Variants in CNOT7 observed in about 807,000 individuals in gnomAD.
The protein encoded by CNOT7 is BTG1-binding factor 1.
In CNOT7, 4 loss-of-function variants were observed where a neutral mutation model predicts 37.1. That is an observed-to-expected ratio of 0.11 (90% CI 0.05 to 0.25). The LOEUF is 0.25. Among genes scored for constraint, CNOT7 ranks in the 10% least tolerant of loss-of-function variants. CNOT7 has a pLI of 1.00. For missense variants in CNOT7, 170 were observed against 336.2 expected (o/e 0.51, Z 3.87); for synonymous variants, 128 against 115.6 (o/e 1.11, Z -0.69).
Position 17,234,860 on chromosome 8 carries a change from G to A in CNOT7, c.474C>T (p.Ser158=), listed in dbSNP as rs766824900. The A allele has an allele frequency of 8.1e-6, 13 of 1,612,790 alleles. No homozygotes were observed. Among genetic ancestry groups the A allele is most frequent in the Admixed American group, 5.0e-5 (3 of 59,932 alleles). Residue 158 remains serine, a splice_region_variant and synonymous_variant, in exon 5 of 7, where the codon AGC becomes AGT. Transcript: ENST00000361272. ...TGATTAAGTAGCCAAAGTCGTAACC[G>A]CTATAAAAGGGTTAAAAGAATAGAG... The part of the protein sequence containing the change: ...CEGVKWLSFH[S]GYDFGYLIKI...
intron 5 of CNOT7, 118 bp from the exon 6 acceptor site, chr8:17,232,655 C>A: frequency 3.7e-6 from 3 of 801,320 alleles, no homozygotes; most frequent in Non-Finnish European, 6.0e-6. Context: ...AAAGGTGAAT[C>A]TTATAAAGAT....
intron 1 of CNOT7, 43 bp downstream of exon 1, chr8:17,246,632 C>T (rs565800829): frequency 1.3e-5 from 2 of 157,214 alleles, no homozygotes; most frequent in Non-Finnish European, 2.8e-5. Flanking sequence ...ACTTCCCTAA[C>T]CCGCCCCTCC....
At position 17,246,801 on chromosome 8, in the gene CNOT7, G is replaced by A. The variant is rs1420576443; in HGVS notation, c.-222C>T. 1 of 205,542 alleles carries A rather than the reference G, an allele frequency of 4.9e-6. No individual in the cohort carries two copies. Among genetic ancestry groups the A allele is most frequent in the South Asian group, 6.0e-5 (1 of 16,640 alleles). The allele number at this position is 205,542 out of a possible 1,614,324, so 12.7% of individuals were successfully genotyped here. A position where few individuals can be genotyped will look rare whatever the true frequency, so the allele number is the denominator to read the frequency against. The stretch of plus-strand genomic sequence containing the variant: ...GCCCCATAGACACCTCTCGCCCAGC[G>A]AAGGGAAAGGCGAGCAGGAGCTGCG... On this transcript the variant is annotated 5_prime_UTR_variant, in exon 1 of 7. Transcript: ENST00000361272.
intron 3 of CNOT7, among the ~76,000 whole-genome samples, chr8:17,241,063 G>C (rs1282964632): frequency 6.6e-6 from 1 of 152,184 alleles, no homozygotes. Flanking sequence ...CTGTGCGTGT[G>C]TGTATAGATA....
Position 17,230,647 on chromosome 8 carries a change from G to A in CNOT7, c.*73C>T, listed in dbSNP as rs1409308878. The A allele has an allele frequency of 2.2e-6, 3 of 1,336,782 alleles. No individual in the cohort carries two copies. Among genetic ancestry groups the A allele is most frequent in the Middle Eastern group, 2.8e-4 (1 of 3,554 alleles). 82.8% of individuals were successfully genotyped at this position (1,336,782 alleles called of 1,614,324 possible). Reference sequence around the variant, plus strand: ...GAAAGGTACTGTCTATTGTTCGAGGGATTCAACCAGAGATAAAACCTATAT... The same window carrying A: ...GAAAGGTACTGTCTATTGTTCGAGGAATTCAACCAGAGATAAAACCTATAT... On this transcript the variant is annotated 3_prime_UTR_variant, in exon 7 of 7. Coordinates refer to ENST00000361272, the MANE Select transcript of CNOT7 (RefSeq NM_013354.7).
At chr8:17,238,505 G>GT (rs767828814) in intron 3 of CNOT7, among the ~76,000 whole-genome samples, 3 of 142,394 alleles carry the variant, frequency 2.1e-5, no homozygotes, top group African/African-American at 7.7e-5. Flanking sequence ...CAATGAAGTA[G>GT]TTTCTTTTTT....
In CNOT7 at chr8:17,225,292, G is replaced by A. The variant is rs1808083227; in HGVS notation, c.*5428C>T. 1.3e-5 allele frequency: 2 copies of A among 151,682 alleles called. No individual in the cohort carries two copies. The highest frequency in any genetic ancestry group is 4.8e-5 in the African/African-American group (2 of 41,400). 9.4% of individuals were successfully genotyped at this position (151,682 alleles called of 1,614,324 possible). A position where few individuals can be genotyped will look rare whatever the true frequency, so the allele number is the denominator to read the frequency against. ...AGAGCCAAAACAGAAGGGTGTGAAAGCAGTGAATTTCCCCTCCTATGACAA... is the reference window on the plus strand; with the variant it reads ...AGAGCCAAAACAGAAGGGTGTGAAAACAGTGAATTTCCCCTCCTATGACAA... On this transcript the variant is annotated 3_prime_UTR_variant, in exon 7 of 7. Transcript: ENST00000361272.
In CNOT7 at chr8:17,229,175, GAAC is replaced by G. The variant is rs1320379587; in HGVS notation, c.*1542_*1544del. 1 of 151,910 alleles carries G rather than the reference GAAC, an allele frequency of 6.6e-6. No individual in the cohort carries two copies. Among genetic ancestry groups the G allele is most frequent in the Non-Finnish European group, 1.5e-5 (1 of 67,828 alleles). 9.4% of individuals were successfully genotyped at this position (151,910 alleles called of 1,614,324 possible). A position where few individuals can be genotyped will look rare whatever the true frequency, so the allele number is the denominator to read the frequency against. On this transcript the variant is annotated 3_prime_UTR_variant, in exon 7 of 7. Coordinates refer to ENST00000361272, the MANE Select transcript of CNOT7 (RefSeq NM_013354.7). ...TCTGTTGAGTTGCCCAAATAAAAAT[GAAC>G]AATATCCCCCAAATAAGTATTTCCA...
rs890750110 is a variant in CNOT7 at position 17,228,861 on chromosome 8, G to T, written c.*1859C>A. On this transcript the variant is annotated 3_prime_UTR_variant, in exon 7 of 7. Coordinates refer to ENST00000361272, the MANE Select transcript of CNOT7 (RefSeq NM_013354.7). ...GCTAACAAATCACAAGCGAAAAGAAGCTTCACTTCCTTTTTAACGAAGACA... is the reference window on the plus strand; with the variant it reads ...GCTAACAAATCACAAGCGAAAAGAATCTTCACTTCCTTTTTAACGAAGACA... 1.1e-4 allele frequency: 16 copies of T among 151,952 alleles called. No individual in the cohort carries two copies. The highest frequency in any genetic ancestry group is 3.6e-4 in the African/African-American group (15 of 41,414). 9.4% of individuals were successfully genotyped at this position (151,952 alleles called of 1,614,324 possible). A position where few individuals can be genotyped will look rare whatever the true frequency, so the allele number is the denominator to read the frequency against.
chr8:17,241,129 G>A (rs1810106942), intron 3 of CNOT7, among the ~76,000 whole-genome samples: 1 of 152,074 alleles, frequency 6.6e-6, no homozygotes, highest in Non-Finnish European at 1.5e-5. Flanking sequence ...GTGCAGTGGT[G>A]CAATCTAGAT....
At chr8:17,237,644 T>TA (rs1563199434) in intron 3 of CNOT7, 2 of 298,838 alleles carry the variant, frequency 6.7e-6, no homozygotes, top group Non-Finnish European at 1.3e-5. Flanking sequence ...CTTTCATACT[T>TA]AAATACATTT....
chr8:17,235,612 C>CCACTTAGT (rs1476577097), intron 4 of CNOT7, among the ~76,000 whole-genome samples: 1 of 152,208 alleles, frequency 6.6e-6, no homozygotes, highest in African/African-American at 2.4e-5. Flanking sequence ...TGTCTCCCTA[C>CCACTTAGT]ACTCCCAGGC....
intron 3 of CNOT7, chr8:17,241,361 G>A (rs765965512): frequency 6.8e-6 from 1 of 147,330 alleles, no homozygotes; most frequent in Non-Finnish European, 1.5e-5. Context: ...CTCCTGCCTT[G>A]GTCTCCAAAT....
chr8:17,237,587 G>T, intron 3 of CNOT7: 1 of 490,748 alleles, frequency 2.0e-6, no homozygotes, highest in Non-Finnish European at 3.6e-6. Flanking sequence ...ATCATTCAGA[G>T]AGTCCAAAGG....
chr8:17,245,356 TA>T (rs372770233), intron 1 of CNOT7, 109 bp from the exon 2 acceptor site: 15,217 of 355,658 alleles, frequency 0.043, no homozygotes, highest in Middle Eastern at 0.058. Context: ...TCTTGACTCA[TA>T]AAAAAAAAAA....
At chr8:17,235,298 A>G (rs1213074877) in intron 4 of CNOT7, among the ~76,000 whole-genome samples, 2 of 152,250 alleles carry the variant, frequency 1.3e-5, no homozygotes, top group Non-Finnish European at 2.9e-5. Context: ...TCGGTAGACA[A>G]AAGTAATGCA....
Position 17,225,714 on chromosome 8 carries a change from T to C in CNOT7, c.*5006A>G, listed in dbSNP as rs1808108082. The C allele has an allele frequency of 6.6e-6, 1 of 151,722 alleles. No individual in the cohort carries two copies. The highest frequency in any genetic ancestry group is 1.5e-5 in the Non-Finnish European group (1 of 67,712). 9.4% of individuals were successfully genotyped at this position (151,722 alleles called of 1,614,324 possible). ...GTCCTACGTTTCTATAATGTCTTAATAGAAAAATAAATGACAGGTAACGTT... is the reference window on the plus strand; with the variant it reads ...GTCCTACGTTTCTATAATGTCTTAACAGAAAAATAAATGACAGGTAACGTT... On this transcript the variant is annotated 3_prime_UTR_variant, in exon 7 of 7. Transcript: ENST00000361272.
At chr8:17,236,449 A>G (rs1217598669) in intron 4 of CNOT7, among the ~76,000 whole-genome samples, 3 of 152,242 alleles carry the variant, frequency 2.0e-5, no homozygotes, top group Non-Finnish European at 2.9e-5. Context: ...CAAAATCGGA[A>G]TAGTTTCCTT....
chr8:17,236,251 G>A (rs1323803335), intron 4 of CNOT7, among the ~76,000 whole-genome samples: 3 of 152,134 alleles, frequency 2.0e-5, no homozygotes, highest in Non-Finnish European at 4.4e-5. Context: ...AAACATGCAG[G>A]AGACTCAGAT....
Sources: allele counts gnomAD v4.1 joint callset (sites outside exome capture counted in the v4.1 genomes callset), GRCh38; gene constraint gnomAD v4.1.1; transcripts MANE v1.5; gene names NCBI Gene and HGNC (gene_info 2026-07-23, HGNC 2026-07-21).